The following TENT2 variants were observed in gnomAD, a reference collection of about 807,000 sequenced individuals.
TENT2 encodes poly(A) RNA polymerase GLD2.
Under a neutral mutation model 72.2 loss-of-function variants are expected in TENT2, and 44 were observed. That is an observed-to-expected ratio of 0.61 (90% CI 0.48 to 0.78). TENT2 has a LOEUF of 0.78. Among genes scored for constraint, TENT2 ranks in the 30% least tolerant of loss-of-function variants. TENT2 has a pLI of 0.00. For missense variants in TENT2, 541 were observed against 569.6 expected (o/e 0.95, Z 0.51); for synonymous variants, 212 against 192.5 (o/e 1.10, Z -0.84).
intron 12 of TENT2, among the ~76,000 whole-genome samples, chr5:79,674,363 C>G (rs1292101390): frequency 6.6e-6 from 1 of 152,186 alleles, no homozygotes; most frequent in Non-Finnish European, 1.5e-5. Flanking sequence ...GCCCTGGGCA[C>G]TGCACTCCAG....
chr5:79,683,832 G>A (rs1411623204), intron 14 of TENT2, among the ~76,000 whole-genome samples: 3 of 142,316 alleles, frequency 2.1e-5, no homozygotes, highest in African/African-American at 7.9e-5. Flanking sequence ...AGGGAGGCAG[G>A]AGAATGGCGT....
At chr5:79,639,547 ATGT>A (rs1471792552) in intron 4 of TENT2, among the ~76,000 whole-genome samples, 2 of 151,852 alleles carry the variant, frequency 1.3e-5, no homozygotes, top group Non-Finnish European at 2.9e-5. Context: ...CAAGGAGATA[ATGT>A]TGTTGAGGCA....
intron 4 of TENT2, 71 bp from the exon 5 acceptor site, chr5:79,640,780 T>C (rs1783855445): frequency 1.2e-6 from 1 of 847,464 alleles, no homozygotes; most frequent in Non-Finnish European, 1.9e-6. Flanking sequence ...AATTGATTTA[T>C]GCTTCTCCAT....
chr5:79,687,740 T>C lies in TENT2; in HGVS notation c.*2467T>C, dbSNP rs1580734821. Among the ~76,000 whole-genome samples the C allele has an allele frequency of 6.6e-6, 1 of 152,222 alleles. No individual in the cohort carries two copies. Among genetic ancestry groups the C allele is most frequent in the East Asian group, 1.9e-4 (1 of 5,186 alleles). Reference sequence around the variant, plus strand: ...ACTGTATTTGCATATGTTGTTAAAGTGGTGTTTAAAATGTGCAATCTGTAC... The same window carrying C: ...ACTGTATTTGCATATGTTGTTAAAGCGGTGTTTAAAATGTGCAATCTGTAC... On this transcript the variant is annotated 3_prime_UTR_variant, in exon 15 of 15. Transcript: ENST00000453514.
chr5:79,638,532 T>A (rs755722654), intron 4 of TENT2, among the ~76,000 whole-genome samples: 1 of 152,190 alleles, frequency 6.6e-6, no homozygotes, highest in Non-Finnish European at 1.5e-5. Context: ...ACCTATGAAT[T>A]GTAGCCTATG....
rs998299530 is a variant in TENT2, at chr5:79,659,738, A to ATT, written c.1071+2738_1071+2739dup. ...GAAACTGTTTTAGAAATGTTACATG[A>ATT]TTGATACAAGTGGTACTAACAATTT... On this transcript the variant is annotated intron_variant, in intron 11 of 14. Coordinates refer to ENST00000453514, the MANE Select transcript of TENT2 (RefSeq NM_001114394.3). Among the ~76,000 whole-genome samples the ATT allele has an allele frequency of 3.3e-5, 5 of 151,456 alleles. No homozygotes were observed. The East Asian group carries it at 9.7e-4, about 29-fold the overall frequency.
intron 12 of TENT2, 64 bp downstream of exon 12, chr5:79,669,092 A>AT: frequency 6.6e-7 from 1 of 1,525,478 alleles, no homozygotes; most frequent in Admixed American, 1.8e-5. Context: ...GTATGTATAT[A>AT]TATGAATACG....
chr5:79,636,755 CTTTAGGTT>C (rs1185618037), intron 4 of TENT2, among the ~76,000 whole-genome samples: 1 of 152,054 alleles, frequency 6.6e-6, no homozygotes, highest in African/African-American at 2.4e-5. Context: ...TTATTTAGGT[CTTTAGGTT>C]CTCTCAATAT....
rs1756189055 is a variant in TENT2 at position 79,612,767 on chromosome 5, C to T, written c.-346C>T. On this transcript the variant is annotated 5_prime_UTR_variant, in exon 1 of 15. Coordinates refer to ENST00000453514, the MANE Select transcript of TENT2 (RefSeq NM_001114394.3). Reference sequence around the variant, plus strand: ...CCTGCTTAGCCCTTCCCGGAGGACACCTGTGAGTTTAGGGGGTTTCGGAGA... The same window carrying T: ...CCTGCTTAGCCCTTCCCGGAGGACATCTGTGAGTTTAGGGGGTTTCGGAGA... The T allele has an allele frequency of 6.6e-6, 1 of 152,344 alleles. No individual in the cohort carries two copies. Among genetic ancestry groups the T allele is most frequent in the African/African-American group, 2.4e-5 (1 of 41,422 alleles). 9.4% of individuals were successfully genotyped at this position (152,344 alleles called of 1,614,324 possible).
chr5:79,621,170 T>A (rs965917581), intron 3 of TENT2, among the ~76,000 whole-genome samples: 2 of 152,090 alleles, frequency 1.3e-5, no homozygotes, highest in Non-Finnish European at 2.9e-5. Context: ...ATTTTAAGCC[T>A]TTACAACTAA....
intron 4 of TENT2, among the ~76,000 whole-genome samples, chr5:79,627,129 C>A (rs1490494592): frequency 1.4e-3 from 176 of 128,654 alleles, no homozygotes; most frequent in South Asian, 1.5e-3. Context: ...GACTCCGTCT[C>A]AAAAAAAAAA....
At chr5:79,667,882 G>GT (rs113487312) in intron 11 of TENT2, among the ~76,000 whole-genome samples, 66,123 of 150,634 alleles carry the variant, frequency 0.44, 17,620 homozygotes, top group African/African-American at 0.75. Flanking sequence ...CAGGATTGAG[G>GT]GGTTTGGAAT....
At position 79,637,106 on chromosome 5, in the gene TENT2, C is replaced by T. The variant is rs529145232; in HGVS notation, c.466-3745C>T. ...AAAATTAACCAGATGTGGTGCTGCACACCTTTAGTCCCAGCTACTTGCAGG... is the reference window on the plus strand; with the variant it reads ...AAAATTAACCAGATGTGGTGCTGCATACCTTTAGTCCCAGCTACTTGCAGG... On this transcript the variant is annotated intron_variant, in intron 4 of 14. Transcript: ENST00000453514. Among the ~76,000 whole-genome samples the T allele has an allele frequency of 3.3e-5, 5 of 152,206 alleles. No individual in the cohort carries two copies. In the South Asian group the frequency reaches 1.0e-3, roughly 32 times the overall value.
chr5:79,671,129 TGTGTAG>T (rs1371686661), intron 12 of TENT2, among the ~76,000 whole-genome samples: 1 of 152,100 alleles, frequency 6.6e-6, no homozygotes, highest in Admixed American at 6.5e-5. Context: ...AGATAGTGGA[TGTGTAG>T]GTTTGTATGT....
rs1407804085 is a variant in TENT2 at position 79,649,058 on chromosome 5, T to C, written c.899-4T>C. 6.2e-7 allele frequency: 1 copy of C among 1,612,692 alleles called. No homozygotes were observed. Among genetic ancestry groups the C allele is most frequent in the African/African-American group, 1.3e-5 (1 of 75,008 alleles). On this transcript the variant is annotated splice_polypyrimidine_tract_variant and splice_region_variant and intron_variant, in intron 9 of 14. Transcript: ENST00000453514. ...ACCATGTTAAGTTTTAATTTTACTT[T>C]CAGTTGAAAATCGAGTTCGTCCGTT...
chr5:79,628,218 C>T (rs901870409), intron 4 of TENT2, among the ~76,000 whole-genome samples: 1 of 152,164 alleles, frequency 6.6e-6, no homozygotes, highest in Non-Finnish European at 1.5e-5. Context: ...TTTGGTTTAC[C>T]TCTGTTTACT....
chr5:79,667,797 C>T (rs1232563294), intron 11 of TENT2, among the ~76,000 whole-genome samples: 2 of 152,000 alleles, frequency 1.3e-5, no homozygotes, highest in African/African-American at 2.4e-5. Context: ...TTCTCTACTA[C>T]CATTATTTAG....
chr5:79,613,895 T>C (rs555160354), intron 1 of TENT2: 2 of 152,244 alleles, frequency 1.3e-5, no homozygotes, highest in Admixed American at 6.5e-5. Flanking sequence ...AAATGGACAG[T>C]ATCTTGGTTT....
At chr5:79,661,795 A>G (rs1031927640) in intron 11 of TENT2, among the ~76,000 whole-genome samples, 6 of 152,178 alleles carry the variant, frequency 3.9e-5, no homozygotes, top group Admixed American at 3.3e-4. Flanking sequence ...AGACAACGGT[A>G]AAGTTTGCCA....
Sources: allele counts gnomAD v4.1 joint callset (sites outside exome capture counted in the v4.1 genomes callset), GRCh38; gene constraint gnomAD v4.1.1; transcripts MANE v1.5; gene names NCBI Gene and HGNC (gene_info 2026-07-23, HGNC 2026-07-21).